Variants in NEDD4L observed in about 807,000 individuals in gnomAD.
NEDD4L encodes NEDD4 like E3 ubiquitin protein ligase, also known as E3 ubiquitin-protein ligase NEDD4-like.
A neutral mutation model predicts 148.9 loss-of-function variants in NEDD4L; 54 were observed. The observed-to-expected ratio is 0.36, with a 90% CI of 0.29 to 0.45. NEDD4L has a LOEUF of 0.45. NEDD4L is among the 20% of genes least tolerant of loss of function. NEDD4L has a pLI of 1.00. For synonymous variants in NEDD4L, 433 were observed against 440.7 expected (o/e 0.98, Z 0.22); for missense variants, 856 against 1,233.8 (o/e 0.69, Z 4.59).
At position 58,385,574 on chromosome 18, in the gene NEDD4L, C is replaced by T. The variant is rs368300968; in HGVS notation, c.2475C>T (p.Asn825=). ...TGAACAGGGTCCAGAAGCAGATGAA[C>T]GCCTTCTTGGAGGTAAGCCATGCTG... The part of the protein sequence containing the change: ...RFVNRVQKQM[N]AFLEGFTELL... Residue 825 remains asparagine (N), a synonymous_variant, in exon 26 of 31, where the codon AAC becomes AAT. Transcript: ENST00000400345. 30 of 1,613,580 alleles carry T rather than the reference C, an allele frequency of 1.9e-5. No homozygotes were observed. The highest frequency in any genetic ancestry group is 1.3e-4 in the African/African-American group (10 of 74,906).
chr18:58,332,498 C>T (rs1287301566), intron 11 of NEDD4L, among the ~76,000 whole-genome samples: 1 of 151,984 alleles, frequency 6.6e-6, no homozygotes, highest in Admixed American at 6.6e-5. Flanking sequence ...AAATGCAAAA[C>T]TTAGCCGGGT....
intron 18 of NEDD4L, among the ~76,000 whole-genome samples, chr18:58,354,959 G>A (rs1231775061): frequency 6.6e-6 from 1 of 152,204 alleles, no homozygotes; most frequent in African/African-American, 2.4e-5. Context: ...ATGCTGCCAC[G>A]TTCCGAGAAA....
At chr18:58,355,580 A>T (rs2044501816) in intron 18 of NEDD4L, among the ~76,000 whole-genome samples, 1 of 152,146 alleles carries the variant, frequency 6.6e-6, no homozygotes, top group Non-Finnish European at 1.5e-5. Flanking sequence ...TTTAAGGCGC[A>T]ATTTTTACTC....
chr18:58,220,048 T>G (rs1050726179), intron 2 of NEDD4L, among the ~76,000 whole-genome samples: 1 of 152,222 alleles, frequency 6.6e-6, no homozygotes, highest in Non-Finnish European at 1.5e-5. Context: ...TTAAATTTAG[T>G]CTATTCAGCA....
intron 5 of NEDD4L, among the ~76,000 whole-genome samples, chr18:58,299,122 GTA>G (rs1215451094): frequency 4.6e-5 from 7 of 152,254 alleles, no homozygotes; most frequent in Non-Finnish European, 7.3e-5. Flanking sequence ...ATTCTGAAGT[GTA>G]TGATTCTGTT....
At chr18:58,276,693 A>ATT (rs201915843) in intron 5 of NEDD4L, among the ~76,000 whole-genome samples, 25,788 of 134,820 alleles carry the variant, frequency 0.19, 2,445 homozygotes, top group East Asian at 0.27. Flanking sequence ...TAATAATAAT[A>ATT]ATATTATTAT....
chr18:58,263,928 CA>C, intron 5 of NEDD4L, among the ~76,000 whole-genome samples: 1 of 149,546 alleles, frequency 6.7e-6, no homozygotes, highest in Non-Finnish European at 1.5e-5. Flanking sequence ...AGGAATTAGT[CA>C]CAGTTGAACA....
chr18:58,311,604 T>C (rs921845951), intron 5 of NEDD4L, among the ~76,000 whole-genome samples: 3 of 152,210 alleles, frequency 2.0e-5, no homozygotes, highest in African/African-American at 7.2e-5. Context: ...CCACCGCCTC[T>C]GTCTTGAAAG....
In NEDD4L at chr18:58,373,128, T is replaced by C. The variant is rs762582582; in HGVS notation, c.2257-46T>C. Reference sequence around the variant, plus strand: ...ATTAAAGAAGTCAAATGAGTTTGTATTTTGGGGAAAAAATGCTGAATTTTC... The same window carrying C: ...ATTAAAGAAGTCAAATGAGTTTGTACTTTGGGGAAAAAATGCTGAATTTTC... On this transcript the variant is annotated intron_variant, in intron 23 of 30. Coordinates refer to ENST00000400345, the MANE Select transcript of NEDD4L (RefSeq NM_001144967.3). The C allele has an allele frequency of 4.8e-6, 5 of 1,032,990 alleles. No homozygotes were observed. In the South Asian group the frequency reaches 6.9e-5, roughly 14 times the overall value. The allele number at this position is 1,032,990 out of a possible 1,614,324, so 64.0% of individuals were successfully genotyped here.
intron 5 of NEDD4L, among the ~76,000 whole-genome samples, chr18:58,280,273 A>G (rs1412588055): frequency 6.6e-6 from 1 of 151,750 alleles, no homozygotes; most frequent in African/African-American, 2.4e-5. Context: ...AGCGCATTCC[A>G]CTGTCCAGCC....
chr18:58,120,210 A>G (rs1348591906), intron 1 of NEDD4L, among the ~76,000 whole-genome samples: 1 of 152,144 alleles, frequency 6.6e-6, no homozygotes, highest in East Asian at 1.9e-4. Flanking sequence ...CCAGACAGCA[A>G]GGATGGAGAG....
intron 5 of NEDD4L, among the ~76,000 whole-genome samples, chr18:58,270,151 G>T (rs554079722): frequency 5.6e-4 from 86 of 152,302 alleles, no homozygotes; most frequent in Non-Finnish European, 1.1e-3. Flanking sequence ...TTAACTGAGT[G>T]CATTTTTGTG....
chr18:58,396,048 G>C, intron 30 of NEDD4L, 119 bp from the exon 31 acceptor site: 1 of 616,550 alleles, frequency 1.6e-6, no homozygotes, highest in South Asian at 2.0e-5. Context: ...TTTTTCTCCA[G>C]GTAATCAAAA....
intron 24 of NEDD4L, among the ~76,000 whole-genome samples, chr18:58,373,750 C>T (rs954701893): frequency 6.6e-6 from 1 of 152,204 alleles, no homozygotes; most frequent in African/African-American, 2.4e-5. Context: ...CTCTGCTTTG[C>T]CCCCACGCTG....
chr18:58,236,527 C>T (rs2046039697), intron 2 of NEDD4L, among the ~76,000 whole-genome samples: 1 of 152,094 alleles, frequency 6.6e-6, no homozygotes, highest in Non-Finnish European at 1.5e-5. Flanking sequence ...TTTTTCTTTG[C>T]CTCCTGGCCT....
intron 1 of NEDD4L, among the ~76,000 whole-genome samples, chr18:58,072,383 G>A (rs1406539360): frequency 3.9e-5 from 6 of 152,050 alleles, no homozygotes; most frequent in Non-Finnish European, 7.4e-5. Flanking sequence ...ATTGTACACC[G>A]TGACAAAGTG....
At chr18:58,369,940 C>T (rs1312540002) in intron 22 of NEDD4L, among the ~76,000 whole-genome samples, 1 of 152,228 alleles carries the variant, frequency 6.6e-6, no homozygotes, top group Non-Finnish European at 1.5e-5. Flanking sequence ...TTCACCTGGC[C>T]TTTCACTGAC....
intron 2 of NEDD4L, among the ~76,000 whole-genome samples, chr18:58,201,495 A>G (rs904844883): frequency 1.3e-5 from 2 of 152,220 alleles, no homozygotes; most frequent in Non-Finnish European, 2.9e-5. Context: ...TACTGAAGGC[A>G]GTTAAATATT....
chr18:58,237,457 A>C (rs1400903769), intron 2 of NEDD4L, among the ~76,000 whole-genome samples: 7 of 152,202 alleles, frequency 4.6e-5, no homozygotes, highest in Admixed American at 4.6e-4. Context: ...GGCATAAGAA[A>C]ATATGCTGGC....
Sources: allele counts gnomAD v4.1 joint callset (sites outside exome capture counted in the v4.1 genomes callset), GRCh38; gene constraint gnomAD v4.1.1; transcripts MANE v1.5; gene names NCBI Gene and HGNC (gene_info 2026-07-23, HGNC 2026-07-21).